TRMT1: variants seen among roughly 807,000 people sequenced by gnomAD.
TRMT1 encodes tRNA methyltransferase 1.
TRMT1 carries 63 observed loss-of-function variants against 75.4 expected under a neutral mutation model. The observed-to-expected ratio is 0.84, with a 90% CI of 0.68 to 1.03. The LOEUF (loss-of-function observed/expected upper bound fraction) is 1.03, where lower values mean the gene tolerates loss of function less well. Ranked by LOEUF, TRMT1 falls within the 50% of genes least tolerant of loss-of-function variation. The probability of loss-of-function intolerance (pLI) is 0.00; values close to 1 mark genes in which losing one functional copy is unlikely to be tolerated. For synonymous variants in TRMT1, 382 were observed against 358.1 expected, an observed-to-expected ratio of 1.07 and a Z score of -0.75; for missense variants, 870 against 905.3, an observed-to-expected ratio of 0.96 and a Z score of 0.50.
chr19:13,105,115 C>A, intron 16 of TRMT1, 34 bp from the exon 17 acceptor site: 1 of 1,556,650 alleles, frequency 6.4e-7, no homozygotes, highest in Non-Finnish European at 8.7e-7. Context: ...AACCCCTGCC[C>A]GGAGCTCAGC....
intron 3 of TRMT1, 46 bp downstream of exon 3, chr19:13,115,951 A>G (rs545778021): frequency 1.6e-5 from 26 of 1,613,644 alleles, no homozygotes; most frequent in South Asian, 5.5e-5. Flanking sequence ...GCAGGGAGAT[A>G]AACTTGTGTG....
Position 13,116,404 on chromosome 19 carries a change from C to T in TRMT1, c.-5G>A. ...CCACAGAGACGATCCTTGCATGAGA[C>T]ATCCGCTGGCGCCTCCGCCCGCCAA... On this transcript the variant is annotated 5_prime_UTR_variant, in exon 2 of 17. It removes an upstream start codon present in the reference 5' UTR. Transcript: ENST00000357720. 6.3e-7 allele frequency: 1 copy of T among 1,582,462 alleles called. No individual in the cohort carries two copies. The highest frequency in any genetic ancestry group is 8.6e-7 in the Non-Finnish European group (1 of 1,166,126).
At position 13,112,757 on chromosome 19, in the gene TRMT1, C is replaced by T. The variant is rs2145592254; in HGVS notation, c.818G>A (p.Cys273Tyr). 1 of 1,613,900 alleles carries T rather than the reference C, an allele frequency of 6.2e-7. No homozygotes were observed. Among genetic ancestry groups the T allele is most frequent in the South Asian group, 1.1e-5 (1 of 91,082 alleles). ...AVLAGNSGET[C>Y]YSKYGAMALK... ...GGCCATGGCCCCGTACTTGCTGTAG[C>T]ACGTCTCCCCGCTGTTCCCCGCCAA... Residue 273 changes from cysteine to tyrosine, a missense_variant, in exon 7 of 17, where the codon TGC becomes TAC. Coordinates refer to ENST00000357720, the MANE Select transcript of TRMT1 (RefSeq NM_001136035.4).
Position 13,115,930 on chromosome 19 carries a change from G to C in TRMT1, c.310+67C>G, listed in dbSNP as rs575238625. On this transcript the variant is annotated intron_variant, in intron 3 of 16. Transcript: ENST00000357720. Reference sequence around the variant, plus strand: ...GAAGCCCCTCTGGATTTGGGCGGCAGAAGAGCCCAGGCAGGGAGATAAACT... The same window carrying C: ...GAAGCCCCTCTGGATTTGGGCGGCACAAGAGCCCAGGCAGGGAGATAAACT... 1.6e-4 allele frequency: 252 copies of C among 1,612,696 alleles called. 1 individual carries two copies. The Middle Eastern group carries it at 7.3e-3, about 47-fold the overall frequency.
rs761776581 is a variant in TRMT1, at chr19:13,105,381, G to C, written c.1719C>G (p.Asp573Glu). 6.8e-6 allele frequency: 11 copies of C among 1,613,704 alleles called. No homozygotes were observed. Among genetic ancestry groups the C allele is most frequent in the Admixed American group, 6.7e-5 (4 of 60,018 alleles). The change falls in exon 16 of 17, where the codon GAC becomes GAG. Residue 573 changes from aspartate (D) to glutamate (E), a missense_variant. Asp to Glu is a conservative substitution (Grantham distance 45, BLOSUM62 2). Coordinates refer to ENST00000357720, the MANE Select transcript of TRMT1 (RefSeq NM_001136035.4). ...PRARPGGKAA[D>E]EAMEERRRLL... Reference sequence around the variant, plus strand: ...GCCTGCGTCTCTCCTCCATAGCTTCGTCGGCCGCCTTGCCCCTGTGCGAGG... The same window carrying C: ...GCCTGCGTCTCTCCTCCATAGCTTCCTCGGCCGCCTTGCCCCTGTGCGAGG...
chr19:13,106,990 A>AT (rs1240292694), intron 14 of TRMT1, among the ~76,000 whole-genome samples: 1,352 of 121,184 alleles, frequency 0.011, 22 homozygotes, highest in African/African-American at 0.028. Flanking sequence ...CGCCCGGCTA[A>AT]TTTTTTTTTT....
At chr19:13,111,091 T>A (rs1238366977) in intron 7 of TRMT1, among the ~76,000 whole-genome samples, 2 of 152,220 alleles carry the variant, frequency 1.3e-5, no homozygotes, top group African/African-American at 4.8e-5. Flanking sequence ...TGGACCACGC[T>A]GGAGTGCAGT....
rs1192414829 is a variant in TRMT1 at position 13,107,555 on chromosome 19, T to G, written c.1583+19A>C. ...GTCTGTGGGCAGCCCTGGCCGCTCC[T>G]GCATGTGCTTGCCCCTACCTGGGCT... On this transcript the variant is annotated intron_variant, in intron 14 of 16. Transcript: ENST00000357720. 1.4e-5 allele frequency: 23 copies of G among 1,590,692 alleles called. No homozygotes were observed. Among genetic ancestry groups the G allele is most frequent in the Non-Finnish European group, 2.0e-5 (23 of 1,166,616 alleles).
Position 13,105,663 on chromosome 19 carries a change from C to T in TRMT1, c.1584-57G>A. 5 of 1,526,126 alleles carry T rather than the reference C, an allele frequency of 3.3e-6. No homozygotes were observed. The South Asian group carries it at 6.0e-5, about 18-fold the overall frequency. 94.5% of individuals were successfully genotyped at this position (1,526,126 alleles called of 1,614,324 possible). ...GGGGAAGCTGCCACACGAGTGTGTCCCCACTCCCCACAGGGCCTGTCCGCC... is the reference window on the plus strand; with the variant it reads ...GGGGAAGCTGCCACACGAGTGTGTCTCCACTCCCCACAGGGCCTGTCCGCC... On this transcript the variant is annotated intron_variant, in intron 14 of 16. Coordinates refer to ENST00000357720, the MANE Select transcript of TRMT1 (RefSeq NM_001136035.4).
rs778813968 is a variant in TRMT1, at chr19:13,112,785, C to G, written c.790G>C (p.Val264Leu). The G allele has an allele frequency of 1.7e-5, 28 of 1,614,044 alleles. No individual in the cohort carries two copies. Among genetic ancestry groups the G allele is most frequent in the Non-Finnish European group, 2.0e-5 (24 of 1,180,032 alleles). Residue 264 changes from valine (V) to leucine (L), a missense_variant, in exon 7 of 17, where the codon GTG (valine) becomes CTG (leucine). Transcript: ENST00000357720. ...GTCTCCCCGCTGTTCCCCGCCAACA[C>G]CGCCATGTCTGTGCAGGTCACACAC... Reference protein sequence around the residue: ...LLCVTCTDMAVLAGNSGETCY... With the variant: ...LLCVTCTDMALLAGNSGETCY...
chr19:13,105,107 C>A (rs746162494), intron 16 of TRMT1, 26 bp from the exon 17 acceptor site: 2 of 1,562,488 alleles, frequency 1.3e-6, no homozygotes, highest in Admixed American at 3.6e-5. Context: ...TGGGTGTGAA[C>A]CCCTGCCCGG....
Position 13,109,134 on chromosome 19 carries a change from A to G in TRMT1, c.1397+247T>C, listed in dbSNP as rs200503725. On this transcript the variant is annotated intron_variant, in intron 12 of 16. Transcript: ENST00000357720. ...TATACATACGTATGTATGTGTGTGT[A>G]TATGTATGTGTGTGTACATATATAT... Among the ~76,000 whole-genome samples, 12 of 150,690 alleles carry G rather than the reference A, an allele frequency of 8.0e-5. No individual in the cohort carries two copies. In the East Asian group the frequency reaches 1.8e-3, roughly 22 times the overall value.
chr19:13,105,270 CT>C lies in TRMT1; in HGVS notation c.1829del (p.Lys610ArgfsTer49). The stretch of plus-strand genomic sequence containing the variant: ...GGAAAGGGAGGAGGGACCTCACCTC[CT>C]TAAACCTCTTGCAAGGAAATGTCTT... ...RLKTFPCKRF[K>X]EGTCQRGDQC... On this transcript the variant is annotated frameshift_variant, in exon 16 of 17. Transcript: ENST00000357720. LOFTEE classifies it low-confidence loss of function (END_TRUNC). 6.2e-7 allele frequency: 1 copy of C among 1,613,452 alleles called. No individual in the cohort carries two copies. The highest frequency in any genetic ancestry group is 1.1e-5 in the South Asian group (1 of 90,930).
Position 13,116,064 on chromosome 19 carries a change from C to G in TRMT1, c.255-12G>C, listed in dbSNP as rs761091405. On this transcript the variant is annotated splice_polypyrimidine_tract_variant and intron_variant, in intron 2 of 16. Transcript: ENST00000357720. ...TGATCACAGCACATCTGGTGGGAGA[C>G]AGAGGACTAGCTCATACCCCGCCCC... is the stretch of plus-strand genomic sequence containing the variant. 9 of 1,614,056 alleles carry G rather than the reference C, an allele frequency of 5.6e-6. No individual in the cohort carries two copies. Among genetic ancestry groups the G allele is most frequent in the Admixed American group, 1.7e-5 (1 of 60,018 alleles).
chr19:13,105,156 G>GA, intron 16 of TRMT1, 75 bp from the exon 17 acceptor site: 1 of 1,547,930 alleles, frequency 6.5e-7, no homozygotes, highest in Non-Finnish European at 8.7e-7. Flanking sequence ...CCTGGGATGG[G>GA]AAGCCCACTC....
chr19:13,116,675 C>G lies in TRMT1; in HGVS notation c.-55G>C. The G allele has an allele frequency of 2.1e-6, 1 of 480,382 alleles. No homozygotes were observed. The highest frequency in any genetic ancestry group is 3.5e-5 in the East Asian group (1 of 28,780). 29.8% of individuals were successfully genotyped at this position (480,382 alleles called of 1,614,324 possible). Reference sequence around the variant, plus strand: ...CACCTGCTCTCGTAGCCACAGAAAACCGAATTAGTCAAGGTGCACGTTTCC... The same window carrying G: ...CACCTGCTCTCGTAGCCACAGAAAAGCGAATTAGTCAAGGTGCACGTTTCC... On this transcript the variant is annotated 5_prime_UTR_variant, in exon 1 of 17. Transcript: ENST00000357720.
At chr19:13,115,109 T>G (rs1246020951) in intron 5 of TRMT1, among the ~76,000 whole-genome samples, 170 bp downstream of exon 5, 1 of 152,192 alleles carries the variant, frequency 6.6e-6, no homozygotes, top group Non-Finnish European at 1.5e-5. Context: ...TATCTATTAC[T>G]CATCACAGCA....
intron 14 of TRMT1, among the ~76,000 whole-genome samples, chr19:13,106,571 G>C (rs1337470861): frequency 6.6e-6 from 1 of 151,796 alleles, no homozygotes; most frequent in Non-Finnish European, 1.5e-5. Context: ...TCTGCCTCAG[G>C]TTCAAGCGAT....
Position 13,115,200 on chromosome 19 carries a change from A to T in TRMT1, c.641+79T>A, listed in dbSNP as rs1056655883. On this transcript the variant is annotated intron_variant, in intron 5 of 16. Transcript: ENST00000357720. ...GGCTAAGTCACTCACTCAAGGTCAC[A>T]GAGTGAGAATGTGACAGAGCCAGAA... 2.8e-6 allele frequency: 4 copies of T among 1,449,118 alleles called. No individual in the cohort carries two copies. In the African/African-American group the frequency reaches 5.6e-5, roughly 20 times the overall value. The allele number at this position is 1,449,118 out of a possible 1,614,324, so 89.8% of individuals were successfully genotyped here. A position where few individuals can be genotyped will look rare whatever the true frequency, so the allele number is the denominator to read the frequency against.
Sources: allele counts gnomAD v4.1 joint callset (sites outside exome capture counted in the v4.1 genomes callset), GRCh38; gene constraint gnomAD v4.1.1; transcripts MANE v1.5; gene names NCBI Gene and HGNC (gene_info 2026-07-23, HGNC 2026-07-21).